The following L3MBTL4 variants were observed in gnomAD, a reference collection of about 807,000 sequenced individuals.
L3MBTL4 encodes the protein L3MBTL histone methyl-lysine binding protein 4, also known as lethal(3)malignant brain tumor-like protein 4.
L3MBTL4 carries 70 observed loss-of-function variants against 84.5 expected under a neutral mutation model. The observed-to-expected ratio is 0.83, with a 90% CI of 0.68 to 1.01. The LOEUF (loss-of-function observed/expected upper bound fraction) is 1.01, where lower values mean the gene tolerates loss of function less well. Among genes scored for constraint, L3MBTL4 ranks in the 50% least tolerant of loss-of-function variants. The pLI, the probability that L3MBTL4 is intolerant of heterozygous loss-of-function variation, is 0.00. For missense variants in L3MBTL4, 715 were observed against 754.8 expected (o/e 0.95, Z 0.62); for synonymous variants, 274 against 259.8 (o/e 1.05, Z -0.52).
At chr18:6,183,668 T>C (rs982460727) in intron 12 of L3MBTL4, among the ~76,000 whole-genome samples, 2 of 152,204 alleles carry the variant, frequency 1.3e-5, no homozygotes, top group Non-Finnish European at 2.9e-5. Flanking sequence ...ATGTGAAGAA[T>C]GTCAAACTAA....
intron 13 of L3MBTL4, among the ~76,000 whole-genome samples, chr18:6,141,112 G>A (rs1237124563): frequency 6.6e-6 from 1 of 150,620 alleles, no homozygotes; most frequent in Non-Finnish European, 1.5e-5. Context: ...TGCGGAATAA[G>A]TATTTACTGA....
At chr18:6,321,979 A>C (rs1389852141) in intron 1 of L3MBTL4, among the ~76,000 whole-genome samples, 1 of 152,198 alleles carries the variant, frequency 6.6e-6, no homozygotes, top group Non-Finnish European at 1.5e-5. Context: ...GGATGAACTA[A>C]AATCTCAGAC....
intron 3 of L3MBTL4, among the ~76,000 whole-genome samples, chr18:6,308,357 C>A (rs1395486410): frequency 6.6e-6 from 1 of 152,144 alleles, no homozygotes; most frequent in Non-Finnish European, 1.5e-5. Flanking sequence ...CTAGGGTGAT[C>A]TCTTTGGAGG....
chr18:6,122,087 G>A lies in L3MBTL4; in HGVS notation c.1199+16107C>T, dbSNP rs961156393. Among the ~76,000 whole-genome samples, 12 of 152,176 alleles carry A rather than the reference G, an allele frequency of 7.9e-5. No homozygotes were observed. In the East Asian group the frequency reaches 1.5e-3, roughly 20 times the overall value. The stretch of plus-strand genomic sequence containing the variant: ...GGAAGACACTATCTGTCCAAGGCTC[G>A]CTTTTTTAATTCATAAAATAGAAAT... On this transcript the variant is annotated intron_variant, in intron 14 of 18. Coordinates refer to ENST00000317931, the MANE Select transcript of L3MBTL4 (RefSeq NM_001330559.2).
At chr18:6,024,787 C>T (rs1474650145) in intron 16 of L3MBTL4, among the ~76,000 whole-genome samples, 3 of 152,106 alleles carry the variant, frequency 2.0e-5, no homozygotes, top group African/African-American at 7.2e-5. Context: ...TTACTCAAAT[C>T]AATGAGTATT....
At chr18:6,281,524 T>C (rs1715149301) in intron 4 of L3MBTL4, among the ~76,000 whole-genome samples, 1 of 152,250 alleles carries the variant, frequency 6.6e-6, no homozygotes, top group South Asian at 2.1e-4. Context: ...AAGGTTTACT[T>C]GTGGCAGTAA....
At chr18:6,196,091 C>T (rs2045365382) in intron 12 of L3MBTL4, among the ~76,000 whole-genome samples, 1 of 151,926 alleles carries the variant, frequency 6.6e-6, no homozygotes, top group Non-Finnish European at 1.5e-5. Context: ...TCACCAACAG[C>T]TCCACTGATA....
intron 16 of L3MBTL4, among the ~76,000 whole-genome samples, chr18:5,989,937 G>C (rs763078666): frequency 6.6e-6 from 1 of 152,220 alleles, no homozygotes; most frequent in Non-Finnish European, 1.5e-5. Context: ...GAGGGCACAA[G>C]GCAAGTAGAG....
intron 1 of L3MBTL4, chr18:6,367,113 C>G (rs895113977): frequency 3.3e-5 from 5 of 152,290 alleles, no homozygotes; most frequent in Admixed American, 6.5e-5. Flanking sequence ...AACCCTGGAG[C>G]CTACCTTTCT....
chr18:5,998,686 G>A (rs938839975), intron 16 of L3MBTL4, among the ~76,000 whole-genome samples: 6 of 152,164 alleles, frequency 3.9e-5, no homozygotes, highest in South Asian at 2.1e-4. Context: ...GGGAAGGGGC[G>A]TTCTTTGCAA....
intron 1 of L3MBTL4, among the ~76,000 whole-genome samples, chr18:6,313,410 T>G (rs113788931): frequency 3.9e-5 from 6 of 152,168 alleles, no homozygotes; most frequent in African/African-American, 1.4e-4. Flanking sequence ...AAACAAAAAA[T>G]AAACAAAAAA....
rs1598650889 is a variant in L3MBTL4 at position 6,074,167 on chromosome 18, T to TTAC, written c.1444+6711_1444+6713dup. Among the ~76,000 whole-genome samples, 3 of 152,254 alleles carry TTAC rather than the reference T, an allele frequency of 2.0e-5. No individual in the cohort carries two copies. In the South Asian group the frequency reaches 6.2e-4, roughly 31 times the overall value. On this transcript the variant is annotated intron_variant, in intron 16 of 18. Transcript: ENST00000317931. Reference sequence around the variant, plus strand: ...CCTTTCTTCATTTATGTCAATGAGCTTACCGTCACTAAGTTCCCTGGCCGC... The same window carrying TTAC: ...CCTTTCTTCATTTATGTCAATGAGCTTACTACCGTCACTAAGTTCCCTGGCCGC...
chr18:6,152,193 G>C (rs1294495629), intron 13 of L3MBTL4, among the ~76,000 whole-genome samples: 1 of 152,156 alleles, frequency 6.6e-6, no homozygotes, highest in African/African-American at 2.4e-5. Flanking sequence ...AATGAACATA[G>C]GGGTACAGGT....
intron 16 of L3MBTL4, among the ~76,000 whole-genome samples, chr18:6,000,510 C>T (rs1266276902): frequency 6.6e-6 from 1 of 151,844 alleles, no homozygotes; most frequent in South Asian, 2.1e-4. Flanking sequence ...GAAAGTCAAG[C>T]AAAATGAAAT....
chr18:6,407,254 G>A (rs2055774255), intron 1 of L3MBTL4, among the ~76,000 whole-genome samples: 1 of 152,216 alleles, frequency 6.6e-6, no homozygotes, highest in African/African-American at 2.4e-5. Flanking sequence ...CTGCTGAAGT[G>A]GGGACGCTCC....
intron 1 of L3MBTL4, among the ~76,000 whole-genome samples, chr18:6,398,369 C>G (rs986546022): frequency 6.6e-6 from 1 of 152,022 alleles, no homozygotes; most frequent in African/African-American, 2.4e-5. Context: ...TGGACAGCAC[C>G]CTCATCTGCA....
intron 5 of L3MBTL4, among the ~76,000 whole-genome samples, chr18:6,256,494 G>C (rs900902812): frequency 6.6e-6 from 1 of 151,642 alleles, no homozygotes; most frequent in Non-Finnish European, 1.5e-5. Context: ...TCATCCTGCA[G>C]AAGGCTGGAA....
chr18:6,093,830 G>A (rs942135245), intron 14 of L3MBTL4, among the ~76,000 whole-genome samples: 5 of 152,196 alleles, frequency 3.3e-5, no homozygotes, highest in South Asian at 2.1e-4. Context: ...ATGGAACAAT[G>A]CAAATGTCAC....
At chr18:6,108,033 C>T (rs529499464) in intron 14 of L3MBTL4, among the ~76,000 whole-genome samples, 7 of 152,252 alleles carry the variant, frequency 4.6e-5, no homozygotes, top group East Asian at 1.9e-4. Flanking sequence ...AGGCTTCCTC[C>T]CCCATCTACG....
Sources: gnomAD v4.1 joint callset for allele counts (sites outside exome capture counted in the v4.1 genomes callset) on GRCh38, gnomAD v4.1.1 for gene constraint, MANE v1.5 for transcripts, NCBI Gene and HGNC (gene_info 2026-07-23, HGNC 2026-07-21) for gene names.